CSDE1: variants seen among roughly 807,000 people sequenced by gnomAD.
CSDE1 encodes cold shock domain containing E1.
A neutral mutation model predicts 89.3 loss-of-function variants in CSDE1; 17 were observed. The observed-to-expected ratio is 0.19, with a 90% confidence interval of 0.13 to 0.29. The LOEUF (loss-of-function observed/expected upper bound fraction) is 0.29. CSDE1 is among the 10% of genes least tolerant of loss of function. The pLI is 1.00. For missense variants in CSDE1, 672 were observed against 984.2 expected (o/e 0.68, Z 4.24); for synonymous variants, 322 against 332.8 (o/e 0.97, Z 0.35).
chr1:114,733,890 A>T, intron 8 of CSDE1, 33 bp from the exon 9 acceptor site: 1 of 1,610,644 alleles, frequency 6.2e-7, no homozygotes, highest in African/African-American at 1.3e-5. Flanking sequence ...TGGTGGGGGG[A>T]CAGAGGAAGG....
chr1:114,746,052 T>C (rs1005241157), intron 2 of CSDE1, among the ~76,000 whole-genome samples: 19 of 152,202 alleles, frequency 1.2e-4, no homozygotes, highest in African/African-American at 4.6e-4. Flanking sequence ...CTTCTACTGA[T>C]TGACAATCAA....
chr1:114,724,092 T>TG, intron 15 of CSDE1, 90 bp from the exon 16 acceptor site: 1 of 1,433,740 alleles, frequency 7.0e-7, no homozygotes, highest in Non-Finnish European at 9.5e-7. Context: ...GCACAAATGT[T>TG]AACAGGGTAG....
At position 114,726,303 on chromosome 1, in the gene CSDE1, G is replaced by A. The variant is rs142956651; in HGVS notation, c.1548C>T (p.Ser516=). 1,535 of 1,613,684 alleles carry A rather than the reference G, an allele frequency of 9.5e-4. 1 individual carries two copies. Among genetic ancestry groups the A allele is most frequent in the Non-Finnish European group, 1.2e-3 (1,469 of 1,179,906 alleles). The part of the protein sequence containing the change: ...CVRLLGRNSN[S]KRLLGYVATL... Reference sequence around the variant, plus strand: ...TTGCCACATAACCCAAGAGCCTCTTGGAGTTAGAATTACGACCTAAAAGTC... The same window carrying A: ...TTGCCACATAACCCAAGAGCCTCTTAGAGTTAGAATTACGACCTAAAAGTC... The change falls in exon 14 of 20, where the codon TCC becomes TCT. Residue 516 remains serine (S), a synonymous_variant. Coordinates refer to ENST00000358528, the MANE Select transcript of CSDE1 (RefSeq NM_001007553.3).
chr1:114,720,722 A>T lies in CSDE1; in HGVS notation c.1874-5T>A. 2 of 1,613,832 alleles carry T rather than the reference A, an allele frequency of 1.2e-6. No individual in the cohort carries two copies. The highest frequency in any genetic ancestry group is 1.7e-6 in the Non-Finnish European group (2 of 1,179,780). ...AGACCTCACCTTTCATATCGCCTGT[A>T]AAACAGGTACAAAGTCTAAAAGCTA... On this transcript the variant is annotated splice_polypyrimidine_tract_variant and splice_region_variant and intron_variant, in intron 16 of 19. Transcript: ENST00000358528.
intron 10 of CSDE1, among the ~76,000 whole-genome samples, chr1:114,731,388 T>C (rs1026867408): frequency 4.4e-5 from 6 of 137,256 alleles, no homozygotes; most frequent in African/African-American, 1.7e-4. Context: ...CCTTTGAAAA[T>C]GTAAAAAAAA....
chr1:114,726,911 A>T, intron 13 of CSDE1, 72 bp downstream of exon 13: 1 of 965,434 alleles, frequency 1.0e-6, no homozygotes, highest in Non-Finnish European at 1.6e-6. Flanking sequence ...AAATTTGAAG[A>T]ACCCATCCTG....
chr1:114,754,422 G>GT (rs1661478439), intron 1 of CSDE1, among the ~76,000 whole-genome samples: 1 of 152,248 alleles, frequency 6.6e-6, no homozygotes, highest in Non-Finnish European at 1.5e-5. Context: ...CATCTAAAAT[G>GT]TATCACACTA....
chr1:114,755,296 G>C (rs944538936), intron 1 of CSDE1, among the ~76,000 whole-genome samples: 1 of 152,184 alleles, frequency 6.6e-6, no homozygotes, highest in Non-Finnish European at 1.5e-5. Flanking sequence ...GTAAATGTAA[G>C]GGTCTTGAGC....
intron 2 of CSDE1, chr1:114,741,732 C>T (rs1660738015): frequency 7.9e-7 from 1 of 1,273,088 alleles, no homozygotes; most frequent in African/African-American, 1.5e-5. Context: ...ATGCACATTT[C>T]ACAGTCAATA....
intron 3 of CSDE1, 95 bp downstream of exon 3, chr1:114,739,597 T>C: frequency 9.5e-7 from 1 of 1,051,176 alleles, no homozygotes; most frequent in Non-Finnish European, 1.4e-6. Flanking sequence ...AATGTTTTAA[T>C]TTACATAAAA....
Position 114,727,145 on chromosome 1 carries a change from TAAA to T in CSDE1, c.1357-58_1357-56del. On this transcript the variant is annotated intron_variant, in intron 12 of 19. Transcript: ENST00000358528. ...AAACAATCTCAAGAACAAAAACCAATAAAAACAACTATAGTTCTTACATATTCT... is the reference window on the plus strand; with the variant it reads ...AAACAATCTCAAGAACAAAAACCAATAACAACTATAGTTCTTACATATTCT... 2.5e-6 allele frequency: 3 copies of T among 1,198,260 alleles called. No individual in the cohort carries two copies. The Admixed American group carries it at 5.2e-5, about 21-fold the overall frequency. 74.2% of individuals were successfully genotyped at this position (1,198,260 alleles called of 1,614,324 possible).
chr1:114,735,304 T>C (rs1660340329), intron 6 of CSDE1, among the ~76,000 whole-genome samples: 1 of 152,154 alleles, frequency 6.6e-6, no homozygotes, highest in Non-Finnish European at 1.5e-5. Flanking sequence ...TTCCCTTAAT[T>C]TTTCACAGAC....
At chr1:114,723,305 C>A (rs1211424233) in intron 16 of CSDE1, among the ~76,000 whole-genome samples, 4 of 152,166 alleles carry the variant, frequency 2.6e-5, no homozygotes, top group African/African-American at 7.2e-5. Flanking sequence ...GTTGGCCTTT[C>A]TGATGGTGAC....
intron 1 of CSDE1, among the ~76,000 whole-genome samples, chr1:114,757,136 GCC>G (rs1381899843): frequency 6.6e-6 from 1 of 152,198 alleles, no homozygotes; most frequent in Non-Finnish European, 1.5e-5. Flanking sequence ...GGAGCCACGT[GCC>G]TAAAAGATTA....
chr1:114,741,743 T>C (rs898859116), intron 2 of CSDE1: 36 of 1,186,982 alleles, frequency 3.0e-5, no homozygotes, highest in Non-Finnish European at 3.4e-5. Flanking sequence ...ACAGTCAATA[T>C]ATATTTTTAG....
At chr1:114,724,171 G>C (rs1659676984) in intron 15 of CSDE1, 169 bp from the exon 16 acceptor site, 2 of 529,254 alleles carry the variant, frequency 3.8e-6, no homozygotes, top group Non-Finnish European at 6.5e-6. Flanking sequence ...ACAGCTGCTG[G>C]ACTTTAAATA....
intron 2 of CSDE1, among the ~76,000 whole-genome samples, chr1:114,749,123 A>T (rs1661166480): frequency 6.6e-6 from 1 of 152,198 alleles, no homozygotes; most frequent in South Asian, 2.1e-4. Context: ...CTACCTCTTA[A>T]CAAGGTACTA....
At chr1:114,736,900 T>A in intron 5 of CSDE1, 45 bp from the exon 6 acceptor site, 1 of 1,420,066 alleles carries the variant, frequency 7.0e-7, no homozygotes, top group Non-Finnish European at 9.9e-7. Flanking sequence ...AGGATGCATA[T>A]TCACTGTATA....
chr1:114,741,654 A>C (rs1433296270), intron 2 of CSDE1: 8 of 1,544,676 alleles, frequency 5.2e-6, no homozygotes, highest in Non-Finnish European at 7.0e-6. Flanking sequence ...CACAGTAAAA[A>C]CGTTCTCCAT....
Sources: gnomAD v4.1 joint callset for allele counts (sites outside exome capture counted in the v4.1 genomes callset) on GRCh38, gnomAD v4.1.1 for gene constraint, MANE v1.5 for transcripts, NCBI Gene and HGNC (gene_info 2026-07-23, HGNC 2026-07-21) for gene names.